Variants in SORBS3 observed in about 807,000 individuals in gnomAD.
The protein encoded by SORBS3 is vinexin.
Under a neutral mutation model 98.0 loss-of-function variants are expected in SORBS3, and 69 were observed. The observed-to-expected ratio is 0.70, with a 90% CI of 0.58 to 0.86. The LOEUF is 0.86. Ranked by LOEUF, SORBS3 falls within the 40% of genes least tolerant of loss-of-function variation. The pLI, the probability that SORBS3 is intolerant of heterozygous loss-of-function variation, is 0.00. For missense variants in SORBS3, 954 were observed against 908.5 expected (o/e 1.05, Z -0.64); for synonymous variants, 394 against 355.4 (o/e 1.11, Z -1.22).
rs141560402 is a variant in SORBS3, at chr8:22,571,632, C to T, written c.1744-86C>T. 2.7e-4 allele frequency: 265 copies of T among 978,048 alleles called. 1 individual carries two copies. The African/African-American group carries it at 3.3e-3, about 12-fold the overall frequency. The allele number at this position is 978,048 out of a possible 1,614,324, so 60.6% of individuals were successfully genotyped here. ...GGCGTGCTGGCAGGTGGACTGGGAACGCCCATTTTGGGCCTCCTCCCTCAG... is the reference window on the plus strand; with the variant it reads ...GGCGTGCTGGCAGGTGGACTGGGAATGCCCATTTTGGGCCTCCTCCCTCAG... On this transcript the variant is annotated intron_variant, in intron 18 of 20. Coordinates refer to ENST00000240123, the MANE Select transcript of SORBS3 (RefSeq NM_005775.5).
Position 22,569,187 on chromosome 8 carries a change from CCG to C in SORBS3, c.1346_1347del (p.Pro449HisfsTer66), listed in dbSNP as rs748032105. 15 of 1,611,470 alleles carry C rather than the reference CCG, an allele frequency of 9.3e-6. No homozygotes were observed. Among genetic ancestry groups the C allele is most frequent in the Non-Finnish European group, 1.3e-5 (15 of 1,178,856 alleles). ...ADEIPKPIKP[P>X]TYQVLEYGEA... The stretch of plus-strand genomic sequence containing the variant: ...TGAGATCCCTAAGCCCATCAAGCCC[CCG>C]ACCTACCAGGTGCTGGAGTATGGAG... On this transcript the variant is annotated frameshift_variant, in exon 17 of 21. Transcript: ENST00000240123. LOFTEE classifies it high-confidence loss of function.
In SORBS3 at chr8:22,575,171, G is replaced by T; in HGVS notation, c.*443G>T. 3.1e-6 allele frequency: 1 copy of T among 320,782 alleles called. No homozygotes were observed. 19.9% of individuals were successfully genotyped at this position (320,782 alleles called of 1,614,324 possible). A position where few individuals can be genotyped will look rare whatever the true frequency, so the allele number is the denominator to read the frequency against. On this transcript the variant is annotated 3_prime_UTR_variant, in exon 21 of 21. Coordinates refer to ENST00000240123, the MANE Select transcript of SORBS3 (RefSeq NM_005775.5). ...CCCCCGCCTGCTGGGGTTCCTCCCAGCACCCCAGCTTGCTGGCTGCCCTCT... is the reference window on the plus strand; with the variant it reads ...CCCCCGCCTGCTGGGGTTCCTCCCATCACCCCAGCTTGCTGGCTGCCCTCT...
chr8:22,552,507 G>A (rs1840101386), intron 1 of SORBS3, among the ~76,000 whole-genome samples: 1 of 152,216 alleles, frequency 6.6e-6, no homozygotes, highest in Non-Finnish European at 1.5e-5. Context: ...CCCTTCCCTG[G>A]AGGTTCCTGT....
intron 3 of SORBS3, among the ~76,000 whole-genome samples, chr8:22,555,255 G>A (rs1212864063): frequency 2.0e-5 from 3 of 152,200 alleles, no homozygotes; most frequent in Non-Finnish European, 2.9e-5. Flanking sequence ...AGCCCTGGGC[G>A]CCGGAGGACC....
rs958743778 is a variant in SORBS3 at position 22,569,286 on chromosome 8, G to A, written c.1431+13G>A. 12 of 1,575,770 alleles carry A rather than the reference G, an allele frequency of 7.6e-6. No homozygotes were observed. In the African/African-American group the frequency reaches 9.6e-5, roughly 13 times the overall value. On this transcript the variant is annotated intron_variant, in intron 17 of 20. Coordinates refer to ENST00000240123, the MANE Select transcript of SORBS3 (RefSeq NM_005775.5). ...GTCCTTCCGCAAGGTGGGCCAGGCC[G>A]GAGACGGAGGGGTGGGTGGGGGCAG...
At chr8:22,566,515 G>A (rs775368708) in intron 13 of SORBS3, 31 bp downstream of exon 13, 3 of 1,606,766 alleles carry the variant, frequency 1.9e-6, no homozygotes, top group Non-Finnish European at 2.6e-6. Flanking sequence ...TCTTTCTCAC[G>A]GAGATGCCCA....
intron 11 of SORBS3, chr8:22,565,611 G>T: frequency 1.2e-6 from 1 of 809,402 alleles, no homozygotes; most frequent in Non-Finnish European, 1.6e-6. Context: ...CCGGGCGCCC[G>T]CCCCGTCCGG....
At chr8:22,552,433 C>T (rs1054233822) in intron 1 of SORBS3, among the ~76,000 whole-genome samples, 8 of 152,242 alleles carry the variant, frequency 5.3e-5, no homozygotes, top group African/African-American at 1.9e-4. Flanking sequence ...CCAGATGCTG[C>T]CCTCTTCCTT....
intron 1 of SORBS3, among the ~76,000 whole-genome samples, chr8:22,552,345 G>A (rs963170085): frequency 2.0e-5 from 3 of 152,212 alleles, no homozygotes; most frequent in Non-Finnish European, 4.4e-5. Context: ...CCCGCTCCCG[G>A]GGCTGGCTGC....
chr8:22,545,410 G>C (rs1263707513), intron 1 of SORBS3: 3 of 152,314 alleles, frequency 2.0e-5, no homozygotes, highest in Non-Finnish European at 4.4e-5. Flanking sequence ...TATTACATTG[G>C]GGTTTGGGAC....
intron 11 of SORBS3, 58 bp downstream of exon 11, chr8:22,565,412 G>A: frequency 7.3e-7 from 1 of 1,368,434 alleles, no homozygotes; most frequent in Non-Finnish European, 9.9e-7. Context: ...GTCGGGGCGA[G>A]CCGGGAGCCT....
intron 11 of SORBS3, 112 bp from the exon 12 acceptor site, chr8:22,565,714 G>T: frequency 3.2e-6 from 4 of 1,231,980 alleles, no homozygotes; most frequent in Non-Finnish European, 4.1e-6. Context: ...AGGACCCCGC[G>T]TCCCGCCCGC....
At position 22,569,234 on chromosome 8, in the gene SORBS3, CT is replaced by C; in HGVS notation, c.1394del (p.Phe465SerfsTer19). On this transcript the variant is annotated frameshift_variant, in exon 17 of 21. Transcript: ENST00000240123. LOFTEE classifies it high-confidence loss of function. ...EYGEAVAQYTFKGDLEVELSF... is the reference protein window; with the variant it reads ...EYGEAVAQYTXKGDLEVELSF... The stretch of plus-strand genomic sequence containing the variant: ...ATGGAGAGGCTGTGGCCCAGTACAC[CT>C]TCAAGGGGGACCTGGAGGTGGAGCT... 6.2e-7 allele frequency: 1 copy of C among 1,608,610 alleles called. No individual in the cohort carries two copies. The highest frequency in any genetic ancestry group is 1.7e-5 in the Admixed American group (1 of 59,408).
chr8:22,558,262 G>A, intron 5 of SORBS3, 70 bp downstream of exon 5: 1 of 1,442,374 alleles, frequency 6.9e-7, no homozygotes, highest in Non-Finnish European at 9.8e-7. Flanking sequence ...GAGAGACAGG[G>A]AAAGAAAAGG....
upstream of SORBS3, among the ~76,000 whole-genome samples, chr8:22,549,027 C>A (rs1028193879): frequency 2.0e-5 from 3 of 152,186 alleles, no homozygotes; most frequent in African/African-American, 7.2e-5. Context: ...ATGTTGGGGA[C>A]TACCCACAGA....
chr8:22,567,504 G>A (rs549531855), intron 16 of SORBS3, among the ~76,000 whole-genome samples: 44 of 152,326 alleles, frequency 2.9e-4, no homozygotes, highest in African/African-American at 1.1e-3. Flanking sequence ...AGTGGGAAGT[G>A]TGCGACAGTT....
In SORBS3 at chr8:22,567,140, G is replaced by T; in HGVS notation, c.1270G>T (p.Gly424Cys). Residue 424 changes from glycine (G) to cysteine (C), a missense_variant, in exon 16 of 21, where the codon GGC becomes TGC. Transcript: ENST00000240123. ...DKNWLEGEHH[G>C]RLGIFPANYV... ...GAACTGGCTGGAGGGAGAGCACCAC[G>T]GCCGCCTGGGCATCTTCCCTGCTAA... The T allele has an allele frequency of 6.2e-7, 1 of 1,613,164 alleles. No individual in the cohort carries two copies. The highest frequency in any genetic ancestry group is 8.5e-7 in the Non-Finnish European group (1 of 1,179,574).
chr8:22,565,820 G>A lies in SORBS3; in HGVS notation c.904-6G>A. On this transcript the variant is annotated splice_region_variant and splice_polypyrimidine_tract_variant and intron_variant, in intron 11 of 20. Coordinates refer to ENST00000240123, the MANE Select transcript of SORBS3 (RefSeq NM_005775.5). The stretch of plus-strand genomic sequence containing the variant: ...CGGGCCCTGATTGCGCCGTTTCCCC[G>A]CGCAGAGCTCGCCGGCGCCCCGACG... 1 of 1,312,502 alleles carries A rather than the reference G, an allele frequency of 7.6e-7. No homozygotes were observed. The highest frequency in any genetic ancestry group is 2.0e-5 in the South Asian group (1 of 49,546). The allele number at this position is 1,312,502 out of a possible 1,614,324, so 81.3% of individuals were successfully genotyped here. A position where few individuals can be genotyped will look rare whatever the true frequency, so the allele number is the denominator to read the frequency against.
chr8:22,548,903 C>T (rs545491798), upstream of SORBS3, among the ~76,000 whole-genome samples: 4 of 152,298 alleles, frequency 2.6e-5, no homozygotes, highest in East Asian at 1.9e-4. Context: ...CAGAGTGACC[C>T]GCATTCCACC....
Sources: gnomAD v4.1 joint callset for allele counts (sites outside exome capture counted in the v4.1 genomes callset) on GRCh38, gnomAD v4.1.1 for gene constraint, MANE v1.5 for transcripts, NCBI Gene and HGNC (gene_info 2026-07-23, HGNC 2026-07-21) for gene names.